The following CFAP77 variants were observed in gnomAD, a reference collection of about 807,000 sequenced individuals.
CFAP77 encodes cilia and flagella associated protein 77.
CFAP77 carries 25 observed loss-of-function variants against 31.1 expected under a neutral mutation model. That is an observed-to-expected ratio of 0.80 (90% CI 0.59 to 1.12). The LOEUF (loss-of-function observed/expected upper bound fraction) is 1.12, where lower values mean the gene tolerates loss of function less well. CFAP77 is among the 50% of genes most tolerant of loss of function. CFAP77 has a pLI of 0.00. For missense variants in CFAP77, 377 were observed against 397.3 expected, an observed-to-expected ratio of 0.95 and a Z score of 0.44; for synonymous variants, 151 against 159.9, an observed-to-expected ratio of 0.94 and a Z score of 0.42.
intron 1 of CFAP77, among the ~76,000 whole-genome samples, chr9:132,491,510 G>A (rs1399640108): frequency 6.6e-6 from 1 of 152,198 alleles, no homozygotes; most frequent in Non-Finnish European, 1.5e-5. Context: ...ACAAACGCAC[G>A]ACTGTGGACA....
At chr9:132,458,357 G>GGGGGGGGGGGTGGGGGT (rs139008147) in intron 1 of CFAP77, among the ~76,000 whole-genome samples, 1 of 119,046 alleles carries the variant, frequency 8.4e-6, no homozygotes, top group Admixed American at 9.8e-5. Context: ...GAGGGGGGGG[G>GGGGGGGGGGGTGGGGGT]GTGTGTATGG....
At chr9:132,486,000 A>ATGTATGTGTGTGTGTG (rs1346404587) in intron 1 of CFAP77, among the ~76,000 whole-genome samples, 1 of 8,628 alleles carries the variant, frequency 1.2e-4, no homozygotes, top group African/African-American at 9.8e-4. Flanking sequence ...ATATATATAT[A>ATGTATGTGTGTGTGTG]TATATATATA....
At chr9:132,557,772 C>T (rs538246791) in intron 5 of CFAP77, among the ~76,000 whole-genome samples, 1 of 152,320 alleles carries the variant, frequency 6.6e-6, no homozygotes, top group Non-Finnish European at 1.5e-5. Flanking sequence ...CATTTCTTTT[C>T]TTTCCATCTC....
At chr9:132,524,672 A>G (rs10901184) in intron 3 of CFAP77, among the ~76,000 whole-genome samples, 67,303 of 151,614 alleles carry the variant, frequency 0.44, 15,449 homozygotes, top group East Asian at 0.74. Flanking sequence ...TTATTGAGGC[A>G]GAGTCTCGCT....
rs1280301284 is a variant in CFAP77 at position 132,529,178 on chromosome 9, T to TA, written c.525-8417dup. Among the ~76,000 whole-genome samples the TA allele has an allele frequency of 4.9e-5, 5 of 101,160 alleles. No homozygotes were observed. In the East Asian group the frequency reaches 8.7e-4, roughly 18 times the overall value. 66.4% of individuals were successfully genotyped at this position (101,160 alleles called of 152,430 possible). ...TACGCCATGGAATACTATGCAGCCATAAAAAATGATGAGTTCATGTCCTTT... is the reference window on the plus strand; with the variant it reads ...TACGCCATGGAATACTATGCAGCCATAAAAAAATGATGAGTTCATGTCCTTT... On this transcript the variant is annotated intron_variant, in intron 3 of 5. Transcript: ENST00000393216.
chr9:132,459,976 A>G (rs955552057), intron 1 of CFAP77, among the ~76,000 whole-genome samples: 3 of 151,944 alleles, frequency 2.0e-5, no homozygotes, highest in African/African-American at 7.3e-5. Flanking sequence ...GTGCGTGTAT[A>G]CTTCTTAAAG....
intron 1 of CFAP77, among the ~76,000 whole-genome samples, chr9:132,429,322 C>T (rs7847290): frequency 1.4e-4 from 22 of 151,870 alleles, no homozygotes; most frequent in South Asian, 1.0e-3. Flanking sequence ...GGGCAGATCA[C>T]GAGGTCAGGA....
At chr9:132,463,207 G>A (rs1851090981) in intron 1 of CFAP77, among the ~76,000 whole-genome samples, 1 of 152,188 alleles carries the variant, frequency 6.6e-6, no homozygotes, top group Non-Finnish European at 1.5e-5. Flanking sequence ...GCACTTTTCA[G>A]CACCAATGAC....
At chr9:132,414,885 C>A (rs368647040) in intron 1 of CFAP77, among the ~76,000 whole-genome samples, 3 of 152,112 alleles carry the variant, frequency 2.0e-5, no homozygotes, top group Non-Finnish European at 4.4e-5. Flanking sequence ...ATTAGGCAAC[C>A]ACACCATGCC....
At chr9:132,509,970 G>A (rs982046524) in intron 3 of CFAP77, among the ~76,000 whole-genome samples, 13 of 152,172 alleles carry the variant, frequency 8.5e-5, no homozygotes, top group Non-Finnish European at 1.2e-4. Flanking sequence ...TTTGTCTCCA[G>A]AGCCAGGACA....
chr9:132,536,383 T>G (rs1357662891), intron 3 of CFAP77, among the ~76,000 whole-genome samples: 2 of 148,550 alleles, frequency 1.3e-5, no homozygotes, highest in East Asian at 3.9e-4. Context: ...AGATTGTGGC[T>G]CATAGTTCTT....
intron 5 of CFAP77, among the ~76,000 whole-genome samples, chr9:132,550,866 G>T (rs538477740): frequency 7.9e-5 from 12 of 152,042 alleles, no homozygotes; most frequent in Non-Finnish European, 1.2e-4. Flanking sequence ...CCCATAAATG[G>T]CATCAGATGA....
In CFAP77 at chr9:132,486,073, TATATATATA is replaced by T. The variant is rs1851547695; in HGVS notation, c.196-12621_196-12613del. 4.1e-4 allele frequency among the ~76,000 whole-genome samples: 7 copies of T among 17,012 alleles called. 1 individual carries two copies. The highest frequency in any genetic ancestry group is 1.7e-3 in the African/African-American group (4 of 2,314). The allele number at this position is 17,012 out of a possible 152,430, so 11.2% of individuals were successfully genotyped here. A position where few individuals can be genotyped will look rare whatever the true frequency, so the allele number is the denominator to read the frequency against. ...ATATGTATGTGTGTGTGTGTATATA[TATATATATA>T]TATATATATTTTTTTTTTTTTTTTT... is the stretch of plus-strand genomic sequence containing the variant. On this transcript the variant is annotated intron_variant, in intron 1 of 5. Transcript: ENST00000393216.
At chr9:132,502,281 G>GT (rs1564230507) in intron 3 of CFAP77, among the ~76,000 whole-genome samples, 87 of 105,028 alleles carry the variant, frequency 8.3e-4, no homozygotes, top group Non-Finnish European at 1.3e-3. Context: ...TTTTTTTGGG[G>GT]GAGGGGGGTG....
chr9:132,534,440 A>G (rs554272311), intron 3 of CFAP77, among the ~76,000 whole-genome samples: 1 of 151,884 alleles, frequency 6.6e-6, no homozygotes, highest in East Asian at 1.9e-4. Flanking sequence ...GTGAAACCCC[A>G]CCTCTACTAA....
At chr9:132,419,047 G>A (rs557140594) in intron 1 of CFAP77, among the ~76,000 whole-genome samples, 65 of 152,204 alleles carry the variant, frequency 4.3e-4, no homozygotes, top group Admixed American at 1.8e-3. Flanking sequence ...GTCAGGGTTC[G>A]GGCAAGAAAC....
intron 5 of CFAP77, among the ~76,000 whole-genome samples, chr9:132,571,814 A>T (rs1254059489): frequency 6.6e-6 from 1 of 151,884 alleles, no homozygotes; most frequent in Non-Finnish European, 1.5e-5. Flanking sequence ...AAGAAAGGGC[A>T]GGCTGAGATA....
At position 132,481,969 on chromosome 9, in the gene CFAP77, G is replaced by GA. The variant is rs1247050324; in HGVS notation, c.196-16726_196-16725insA. ...ACAAGGGTTTATGGTTGGGGGGGGG[G>GA]GGGGCGGCGGAACACTGAACATTTT... On this transcript the variant is annotated intron_variant, in intron 1 of 5. Transcript: ENST00000393216. The surrounding 1 kb of genome is among the most constrained non-coding windows in gnomAD (Gnocchi z 5.0). Among the ~76,000 whole-genome samples the GA allele has an allele frequency of 5.4e-5, 8 of 148,066 alleles. No homozygotes were observed. Among genetic ancestry groups the GA allele is most frequent in the African/African-American group, 2.0e-4 (8 of 39,948 alleles).
intron 3 of CFAP77, chr9:132,513,521 C>A: frequency 1.4e-6 from 1 of 709,680 alleles, no homozygotes; most frequent in Non-Finnish European, 2.2e-6. Flanking sequence ...TTTGCTCTGT[C>A]GTTAGCGATC....
Sources: gnomAD v4.1 joint callset for allele counts (sites outside exome capture counted in the v4.1 genomes callset) on GRCh38, gnomAD v4.1.1 for gene constraint, Gnocchi (gnomAD v3.1) non-coding constraint, MANE v1.5 for transcripts, NCBI Gene and HGNC (gene_info 2026-07-23, HGNC 2026-07-21) for gene names.